The following ENPP2 variants were observed in gnomAD, a reference collection of about 807,000 sequenced individuals.
The protein encoded by ENPP2 is ectonucleotide pyrophosphatase/phosphodiesterase 2, also known as autotaxin.
Under a neutral mutation model 120.2 loss-of-function variants are expected in ENPP2, and 51 were observed. The observed-to-expected ratio is 0.42, with a 90% CI of 0.34 to 0.54. The LOEUF (loss-of-function observed/expected upper bound fraction) is 0.54, where lower values mean the gene tolerates loss of function less well. Among genes scored for constraint, ENPP2 ranks in the 20% least tolerant of loss-of-function variants. The probability of loss-of-function intolerance (pLI) is 0.04; values close to 1 mark genes in which losing one functional copy is unlikely to be tolerated. For synonymous variants in ENPP2, 365 were observed against 366.4 expected, an observed-to-expected ratio of 1.00 and a Z score of 0.04; for missense variants, 920 against 1,066.5, an observed-to-expected ratio of 0.86 and a Z score of 1.91.
At chr8:119,666,379 A>G (rs1017288601) in intron 1 of ENPP2, among the ~76,000 whole-genome samples, 3 of 152,310 alleles carry the variant, frequency 2.0e-5, no homozygotes, top group African/African-American at 4.8e-5. Flanking sequence ...AGATCTTAGT[A>G]TCTTACTCCT....
chr8:119,665,885 G>A lies in ENPP2; in HGVS notation c.21+7367C>T, dbSNP rs181416549. On this transcript the variant is annotated intron_variant, in intron 1 of 25. Coordinates refer to the ENPP2 transcript ENST00000427067. ...TCCCAGACCAAATGGATGCATAAAT[G>A]TTTGTCTTGGGAGTTGGTCATTATA... 2.0e-3 allele frequency among the ~76,000 whole-genome samples: 300 copies of A among 152,192 alleles called. 1 individual carries two copies. The highest frequency in any genetic ancestry group is 3.8e-3 in the Non-Finnish European group (257 of 68,014).
intron 24 of ENPP2, among the ~76,000 whole-genome samples, chr8:119,558,300 T>C (rs1476305716): frequency 6.6e-6 from 1 of 152,176 alleles, no homozygotes; most frequent in African/African-American, 2.4e-5. Flanking sequence ...GCTGTACTAC[T>C]TCTTGGCTAT....
At chr8:119,617,381 C>G in intron 6 of ENPP2, 85 bp downstream of exon 6, 1 of 1,131,672 alleles carries the variant, frequency 8.8e-7, no homozygotes, top group Non-Finnish European at 1.3e-6. Flanking sequence ...AACTACGTGC[C>G]CATAGATCTC....
At chr8:119,562,035 G>C (rs978862807) in intron 24 of ENPP2, among the ~76,000 whole-genome samples, 2 of 152,090 alleles carry the variant, frequency 1.3e-5, no homozygotes, top group Non-Finnish European at 2.9e-5. Flanking sequence ...TACTCGGGAG[G>C]CTGAGGCAGG....
chr8:119,617,544 T>C lies in ENPP2; in HGVS notation c.499A>G (p.Ile167Val). The C allele has an allele frequency of 6.2e-7, 1 of 1,613,382 alleles. No homozygotes were observed. Among genetic ancestry groups the C allele is most frequent in the Non-Finnish European group, 8.5e-7 (1 of 1,179,440 alleles). ...CGGAAGCCATCCACGGAGAAGATGA[T>C]TAATGGAGGGCGAACAAACCTTAAA... ...CPAGFVRPPLIIFSVDGFRAS... is the reference protein window; with the variant it reads ...CPAGFVRPPLVIFSVDGFRAS... The change falls in exon 6 of 25, where the codon ATC becomes GTC. Residue 167 changes from isoleucine (I) to valine (V), a missense_variant. Coordinates refer to ENST00000075322, the MANE Select transcript of ENPP2 (RefSeq NM_001040092.3).
chr8:119,617,322 G>T, intron 6 of ENPP2, 79 bp from the exon 7 acceptor site: 1 of 1,232,980 alleles, frequency 8.1e-7, no homozygotes, highest in Non-Finnish European at 1.2e-6. Context: ...TAAACACTCA[G>T]ACATGTGTTA....
At chr8:119,598,876 AAGTACCGG>A (rs1814085408) in intron 11 of ENPP2, among the ~76,000 whole-genome samples, 1 of 152,154 alleles carries the variant, frequency 6.6e-6, no homozygotes. Context: ...AGCCAAGCGA[AAGTACCGG>A]AGTCCTACTT....
At chr8:119,652,048 T>C (rs979642314) in intron 1 of ENPP2, among the ~76,000 whole-genome samples, 19 of 152,136 alleles carry the variant, frequency 1.2e-4, no homozygotes, top group Non-Finnish European at 2.2e-4. Flanking sequence ...TACCATAAAC[T>C]GGGTGGCTTA....
At chr8:119,633,348 C>G (rs887192476) in intron 2 of ENPP2, among the ~76,000 whole-genome samples, 17 of 152,198 alleles carry the variant, frequency 1.1e-4, no homozygotes, top group African/African-American at 3.9e-4. Flanking sequence ...GTTTATGATA[C>G]TGCTCTCTAT....
At chr8:119,644,642 A>T (rs1817388148) in intron 1 of ENPP2, among the ~76,000 whole-genome samples, 2 of 123,448 alleles carry the variant, frequency 1.6e-5, no homozygotes, top group Admixed American at 1.6e-4. Context: ...ACACACACAC[A>T]CACACATATA....
chr8:119,626,501 A>G (rs1816284823), intron 3 of ENPP2, 64 bp downstream of exon 3: 1 of 1,409,514 alleles, frequency 7.1e-7, no homozygotes, highest in African/African-American at 1.4e-5. Flanking sequence ...TCCAGGATGC[A>G]TACAATAGCA....
chr8:119,562,882 C>A lies in ENPP2; in HGVS notation c.2396G>T (p.Arg799Leu). 6.2e-7 allele frequency: 1 copy of A among 1,614,018 alleles called. No individual in the cohort carries two copies. The highest frequency in any genetic ancestry group is 8.5e-7 in the Non-Finnish European group (1 of 1,179,970). ...LSVSSFILPH[R>L]PDNEESCNSS... ...ATTGCAGCTCTCCTCGTTGTCAGGC[C>A]GGTGAGGCAGGATGAAGGAGGACAC... The change falls in exon 24 of 25, where the codon CGG becomes CTG. Residue 799 changes from arginine (R) to leucine (L), a missense_variant. Arg to Leu is a moderately radical substitution (Grantham distance 102, BLOSUM62 -2). Coordinates refer to ENST00000075322, the MANE Select transcript of ENPP2 (RefSeq NM_001040092.3).
chr8:119,595,221 A>G (rs1490874177), intron 11 of ENPP2, among the ~76,000 whole-genome samples: 2 of 152,240 alleles, frequency 1.3e-5, no homozygotes, highest in Non-Finnish European at 2.9e-5. Context: ...CTTAGGGATC[A>G]GTTCAGAGGA....
chr8:119,658,172 T>C (rs1309238697), intron 1 of ENPP2, among the ~76,000 whole-genome samples: 1 of 152,244 alleles, frequency 6.6e-6, no homozygotes, highest in African/African-American at 2.4e-5. Flanking sequence ...TTAAATACTT[T>C]ATATTTCTTT....
chr8:119,616,142 C>T (rs1815440992), intron 8 of ENPP2, 123 bp downstream of exon 8: 2 of 803,164 alleles, frequency 2.5e-6, no homozygotes, highest in Non-Finnish European at 3.9e-6. Context: ...TATCAAAAGA[C>T]AGAAACATTG....
intron 17 of ENPP2, among the ~76,000 whole-genome samples, chr8:119,583,141 A>G (rs951898870): frequency 6.6e-6 from 1 of 152,176 alleles, no homozygotes; most frequent in Non-Finnish European, 1.5e-5. Context: ...CCAAGTGCGT[A>G]TTCAGTAACT....
intron 13 of ENPP2, among the ~76,000 whole-genome samples, chr8:119,587,560 T>C (rs1350839610): frequency 6.6e-6 from 1 of 152,220 alleles, no homozygotes; most frequent in African/African-American, 2.4e-5. Flanking sequence ...AGGGAGTTTG[T>C]TTCCCTATTT....
chr8:119,637,533 A>G (rs1199674053), intron 2 of ENPP2, among the ~76,000 whole-genome samples: 1 of 152,228 alleles, frequency 6.6e-6, no homozygotes, highest in East Asian at 1.9e-4. Flanking sequence ...TTTCATAACA[A>G]TCAGATCAAG....
intron 13 of ENPP2, among the ~76,000 whole-genome samples, chr8:119,588,613 C>G (rs558194295): frequency 6.7e-6 from 1 of 149,768 alleles, no homozygotes; most frequent in African/African-American, 2.5e-5. Context: ...AAATGCTGTT[C>G]AAATCCTCAC....
Sources: allele counts gnomAD v4.1 joint callset (sites outside exome capture counted in the v4.1 genomes callset), GRCh38; gene constraint gnomAD v4.1.1; transcripts MANE v1.5; gene names NCBI Gene and HGNC (gene_info 2026-07-23, HGNC 2026-07-21).